The following SLC35F4 variants were observed in gnomAD, a reference collection of about 807,000 sequenced individuals.
The protein encoded by SLC35F4 is solute carrier family 35 member F4.
Under a neutral mutation model 44.2 loss-of-function variants are expected in SLC35F4, and 24 were observed. The observed-to-expected ratio is 0.54, with a 90% CI of 0.39 to 0.76. The LOEUF is 0.76. Ranked by LOEUF, SLC35F4 falls within the 30% of genes least tolerant of loss-of-function variation. The pLI is 0.00. For missense variants in SLC35F4, 562 were observed against 586.1 expected, an observed-to-expected ratio of 0.96 and a Z score of 0.42; for synonymous variants, 238 against 223.6, an observed-to-expected ratio of 1.06 and a Z score of -0.57.
At chr14:57,887,632 C>T (rs964278389) in intron 1 of SLC35F4, among the ~76,000 whole-genome samples, 1 of 152,058 alleles carries the variant, frequency 6.6e-6, no homozygotes, top group African/African-American at 2.4e-5. Context: ...GATGAGAGAG[C>T]TGGAATTTTG....
intron 1 of SLC35F4, among the ~76,000 whole-genome samples, chr14:57,881,774 G>A (rs1029888158): frequency 6.6e-6 from 1 of 150,764 alleles, no homozygotes; most frequent in African/African-American, 2.5e-5. Flanking sequence ...CCCCTACTAT[G>A]TAGATTTGGG....
chr14:57,813,052 CTT>C (rs1264008279), intron 1 of SLC35F4, among the ~76,000 whole-genome samples: 1 of 152,116 alleles, frequency 6.6e-6, no homozygotes, highest in East Asian at 1.9e-4. Flanking sequence ...ATTATTATCT[CTT>C]TTTCTCAGAT....
At chr14:57,902,261 T>C (rs763738732) in intron 1 of SLC35F4, among the ~76,000 whole-genome samples, 224 of 152,078 alleles carry the variant, frequency 1.5e-3, no homozygotes, top group Non-Finnish European at 2.5e-3. Flanking sequence ...GTTCATATCC[T>C]TTAACTTGAA....
intron 1 of SLC35F4, among the ~76,000 whole-genome samples, chr14:57,637,140 GA>G (rs2073046626): frequency 6.6e-6 from 1 of 152,108 alleles, no homozygotes; most frequent in African/African-American, 2.4e-5. Context: ...TATAGATGAG[GA>G]AACCAAGGCT....
chr14:57,631,487 C>T (rs1010928919), intron 1 of SLC35F4, among the ~76,000 whole-genome samples: 2 of 152,022 alleles, frequency 1.3e-5, no homozygotes, highest in African/African-American at 4.8e-5. Context: ...TGTGTGCGTG[C>T]ATAGTGTAAA....
chr14:57,580,603 G>T, intron 4 of SLC35F4: 1 of 277,514 alleles, frequency 3.6e-6, no homozygotes, highest in South Asian at 3.2e-5. Context: ...CTCCTGAAAG[G>T]AATAAACTCA....
chr14:57,739,864 TTTG>T (rs1470693003), intron 1 of SLC35F4, among the ~76,000 whole-genome samples: 2 of 152,040 alleles, frequency 1.3e-5, no homozygotes, highest in African/African-American at 4.8e-5. Flanking sequence ...TGGCTATTGG[TTTG>T]TTGTTGTTTT....
At chr14:57,816,313 G>A (rs897392748) in intron 1 of SLC35F4, among the ~76,000 whole-genome samples, 1 of 152,086 alleles carries the variant, frequency 6.6e-6, no homozygotes, top group African/African-American at 2.4e-5. Flanking sequence ...GATAGTTACT[G>A]ATCAAAAGCA....
At chr14:57,907,108 A>C (rs1176007571) in intron 1 of SLC35F4, among the ~76,000 whole-genome samples, 1 of 152,182 alleles carries the variant, frequency 6.6e-6, no homozygotes, top group East Asian at 1.9e-4. Context: ...TAGATATGGG[A>C]ATCTCTCTTG....
intron 1 of SLC35F4, among the ~76,000 whole-genome samples, chr14:57,646,177 G>A (rs962385076): frequency 6.6e-6 from 1 of 152,140 alleles, no homozygotes; most frequent in African/African-American, 2.4e-5. Context: ...TCTATTGATT[G>A]GAATAGTTTC....
At chr14:57,780,487 A>G (rs545598542) in intron 1 of SLC35F4, among the ~76,000 whole-genome samples, 1 of 152,324 alleles carries the variant, frequency 6.6e-6, no homozygotes, top group East Asian at 1.9e-4. Context: ...AGAAAGAATC[A>G]ATATTGTTAA....
intron 1 of SLC35F4, among the ~76,000 whole-genome samples, chr14:57,797,497 C>A (rs1355331919): frequency 6.6e-6 from 1 of 152,144 alleles, no homozygotes; most frequent in African/African-American, 2.4e-5. Context: ...TTCTGCCAGT[C>A]ACCTCATCTC....
intron 1 of SLC35F4, among the ~76,000 whole-genome samples, chr14:57,749,679 T>G (rs559646784): frequency 6.6e-6 from 1 of 152,202 alleles, no homozygotes; most frequent in Non-Finnish European, 1.5e-5. Context: ...CCAAGCCCTA[T>G]AGAGCCTCCT....
At chr14:57,650,388 T>C (rs992404277) in intron 1 of SLC35F4, among the ~76,000 whole-genome samples, 1 of 152,148 alleles carries the variant, frequency 6.6e-6, no homozygotes, top group African/African-American at 2.4e-5. Context: ...CTCAGACATT[T>C]ACATCTCAAC....
At chr14:57,706,735 G>A (rs1312329342) in intron 1 of SLC35F4, among the ~76,000 whole-genome samples, 1 of 152,174 alleles carries the variant, frequency 6.6e-6, no homozygotes, top group Non-Finnish European at 1.5e-5. Context: ...AGATGGGAAA[G>A]AAGATCATGT....
At chr14:57,887,085 CT>C (rs2141036423) in intron 1 of SLC35F4, among the ~76,000 whole-genome samples, 1 of 152,276 alleles carries the variant, frequency 6.6e-6, no homozygotes, top group African/African-American at 2.4e-5. Flanking sequence ...GTTAAGAAAT[CT>C]GTGGGGAATG....
intron 1 of SLC35F4, among the ~76,000 whole-genome samples, chr14:57,918,282 G>A (rs2141056079): frequency 6.6e-6 from 1 of 152,096 alleles, no homozygotes; most frequent in Admixed American, 6.5e-5. Flanking sequence ...TCTCAGACTT[G>A]GCCACCCTGA....
chr14:57,741,490 G>A (rs1235322722), intron 1 of SLC35F4, among the ~76,000 whole-genome samples: 4 of 152,152 alleles, frequency 2.6e-5, no homozygotes, highest in Non-Finnish European at 4.4e-5. Flanking sequence ...AAGGGTATCA[G>A]TGATGGAAGA....
At position 57,750,106 on chromosome 14, in the gene SLC35F4, T is replaced by TCTCTCTG. The variant is rs1379350174; in HGVS notation, c.103+115616_103+115617insCAGAGAG. ...CTCTCTATGGCCATATGTACACATT[T>TCTCTCTG]TTAGCACCCACTTAAGAGTGAAAAC... On this transcript the variant is annotated intron_variant, in intron 1 of 7. Coordinates refer to ENST00000556826, the MANE Select transcript of SLC35F4 (RefSeq NM_001306087.2). 1.1e-3 allele frequency among the ~76,000 whole-genome samples: 172 copies of TCTCTCTG among 152,252 alleles called. 1 individual carries two copies. The highest frequency in any genetic ancestry group is 3.9e-3 in the African/African-American group (163 of 41,552).
Sources: allele counts gnomAD v4.1 joint callset (sites outside exome capture counted in the v4.1 genomes callset), GRCh38; gene constraint gnomAD v4.1.1; transcripts MANE v1.5; gene names NCBI Gene and HGNC (gene_info 2026-07-23, HGNC 2026-07-21).